FHIT: variants seen among roughly 807,000 people sequenced by gnomAD.
FHIT encodes the protein fragile histidine triad diadenosine triphosphatase.
Under a neutral mutation model 17.9 loss-of-function variants are expected in FHIT, and 19 were observed. That is an observed-to-expected ratio of 1.06 (90% CI 0.74 to 1.56). The LOEUF is 1.56. Ranked by LOEUF, FHIT falls within the 40% of genes most tolerant of loss-of-function variation. FHIT has a pLI of 0.00. For synonymous variants in FHIT, 81 were observed against 69.7 expected (o/e 1.16, Z -0.81); for missense variants, 248 against 189.2 (o/e 1.31, Z -1.82).
At chr3:60,614,809 G>GT (rs147892145) in intron 4 of FHIT, among the ~76,000 whole-genome samples, 41,715 of 78,338 alleles carry the variant, frequency 0.53, 10,821 homozygotes, top group Non-Finnish European at 0.6. Context: ...TGCAAAAGTT[G>GT]TTTTTTTTTT....
At chr3:60,439,972 T>C (rs2030647258) in intron 5 of FHIT, among the ~76,000 whole-genome samples, 1 of 152,084 alleles carries the variant, frequency 6.6e-6, no homozygotes, top group African/African-American at 2.4e-5. Flanking sequence ...TTTCTCACCA[T>C]TTACTGAGGT....
chr3:60,916,618 C>T (rs1307445755), intron 3 of FHIT, among the ~76,000 whole-genome samples: 1 of 152,184 alleles, frequency 6.6e-6, no homozygotes, highest in Non-Finnish European at 1.5e-5. Context: ...ATTTGCAGAC[C>T]TTCTCAGAAG....
Position 60,921,805 on chromosome 3 carries a change from C to A in FHIT, c.-110-99794G>T, listed in dbSNP as rs918089567. Among the ~76,000 whole-genome samples the A allele has an allele frequency of 3.3e-5, 5 of 152,314 alleles. No individual in the cohort carries two copies. In the East Asian group the frequency reaches 7.7e-4, roughly 23 times the overall value. On this transcript the variant is annotated intron_variant, in intron 3 of 9. Coordinates refer to ENST00000492590, the MANE Select transcript of FHIT (RefSeq NM_002012.4). ...ACCCAACAAGCCAGCCAAGGTCCAT[C>A]TGGGGCAGCTTAGGGAAGGGGCAAG...
At chr3:60,983,794 C>T (rs1403648549) in intron 3 of FHIT, among the ~76,000 whole-genome samples, 1 of 152,174 alleles carries the variant, frequency 6.6e-6, no homozygotes, top group Non-Finnish European at 1.5e-5. Flanking sequence ...GAAGCTTGCA[C>T]TCATGGCAGA....
chr3:60,896,931 G>A (rs1553762095), intron 3 of FHIT, among the ~76,000 whole-genome samples: 1 of 152,120 alleles, frequency 6.6e-6, no homozygotes, highest in Non-Finnish European at 1.5e-5. Context: ...TTCCCACCCT[G>A]TAGATGACCA....
At chr3:60,690,470 C>A (rs2040960992) in intron 4 of FHIT, 5 of 572,182 alleles carry the variant, frequency 8.7e-6, no homozygotes, top group South Asian at 6.9e-5. Context: ...TTCTCGTCAT[C>A]AAATTTCTCC....
chr3:60,588,813 C>G (rs9865739), intron 4 of FHIT, among the ~76,000 whole-genome samples: 1 of 151,862 alleles, frequency 6.6e-6, no homozygotes, highest in Non-Finnish European at 1.5e-5. Context: ...TCATGCCTGT[C>G]CTGGTGATTG....
chr3:60,842,043 G>T (rs989132030), intron 3 of FHIT, among the ~76,000 whole-genome samples: 1 of 151,848 alleles, frequency 6.6e-6, no homozygotes, highest in Non-Finnish European at 1.5e-5. Flanking sequence ...CTCCAAGGAC[G>T]CTCCGAGGGC....
intron 7 of FHIT, among the ~76,000 whole-genome samples, chr3:59,964,275 A>C (rs1397041984): frequency 2.6e-5 from 4 of 152,164 alleles, no homozygotes; most frequent in African/African-American, 9.7e-5. Flanking sequence ...GGAACATTTG[A>C]AATTAGCTTG....
chr3:59,950,869 T>C (rs1262340024), intron 7 of FHIT, among the ~76,000 whole-genome samples: 1 of 152,170 alleles, frequency 6.6e-6, no homozygotes, highest in Non-Finnish European at 1.5e-5. Flanking sequence ...AGCCCATAAA[T>C]GAGACAATTT....
Position 61,162,769 on chromosome 3 carries a change from T to G in FHIT, c.-164+37848A>C, listed in dbSNP as rs147617565. Reference sequence around the variant, plus strand: ...AATTCTTGCCTATAGGCAAGCAAATTGTGTTCTGTTCTCTGGAGGTTCAAT... The same window carrying G: ...AATTCTTGCCTATAGGCAAGCAAATGGTGTTCTGTTCTCTGGAGGTTCAAT... On this transcript the variant is annotated intron_variant, in intron 2 of 9. Coordinates refer to ENST00000492590, the MANE Select transcript of FHIT (RefSeq NM_002012.4). 3.2e-3 allele frequency among the ~76,000 whole-genome samples: 485 copies of G among 152,302 alleles called. 2 individuals carry two copies. The highest frequency in any genetic ancestry group is 5.9e-3 in the Non-Finnish European group (401 of 68,034).
At chr3:61,098,493 A>G (rs1031852051) in intron 2 of FHIT, among the ~76,000 whole-genome samples, 2 of 152,158 alleles carry the variant, frequency 1.3e-5, no homozygotes, top group African/African-American at 2.4e-5. Flanking sequence ...AAGAATCTCA[A>G]TGGTAGATTA....
chr3:60,291,492 T>A (rs1707981548), intron 5 of FHIT, among the ~76,000 whole-genome samples: 1 of 151,912 alleles, frequency 6.6e-6, no homozygotes, highest in South Asian at 2.1e-4. Context: ...ATGTCGGACA[T>A]GCCTGGGCCC....
At chr3:60,492,004 C>A (rs1414802725) in intron 5 of FHIT, among the ~76,000 whole-genome samples, 1 of 152,172 alleles carries the variant, frequency 6.6e-6, no homozygotes, top group Non-Finnish European at 1.5e-5. Flanking sequence ...GTGAAACAAT[C>A]TCGCTCAGAG....
chr3:60,010,878 A>G (rs868713434), intron 7 of FHIT, among the ~76,000 whole-genome samples: 2 of 151,802 alleles, frequency 1.3e-5, no homozygotes, highest in South Asian at 2.1e-4. Flanking sequence ...GGGGGTGACG[A>G]GAAGGAGAAC....
intron 7 of FHIT, among the ~76,000 whole-genome samples, chr3:59,992,971 G>T (rs929567739): frequency 1.3e-5 from 2 of 151,970 alleles, no homozygotes; most frequent in Non-Finnish European, 2.9e-5. Flanking sequence ...TATTCTACCC[G>T]TAAGAAGTCC....
intron 3 of FHIT, among the ~76,000 whole-genome samples, chr3:61,036,911 TTTG>T (rs1277180682): frequency 8.9e-6 from 1 of 112,304 alleles, no homozygotes; most frequent in Non-Finnish European, 1.9e-5. Context: ...GTTTTTTTTT[TTTG>T]TTTGTTTGTT....
At chr3:60,223,979 T>C (rs981728675) in intron 5 of FHIT, among the ~76,000 whole-genome samples, 1 of 152,184 alleles carries the variant, frequency 6.6e-6, no homozygotes, top group Non-Finnish European at 1.5e-5. Flanking sequence ...TTAAAGCAAC[T>C]GAACTCTAGT....
chr3:60,774,177 T>C (rs187377833), intron 4 of FHIT, among the ~76,000 whole-genome samples: 14 of 152,328 alleles, frequency 9.2e-5, no homozygotes, highest in South Asian at 6.2e-4. Context: ...GTAGATATAG[T>C]AGTTCCCTCT....
Sources: allele counts gnomAD v4.1 joint callset (sites outside exome capture counted in the v4.1 genomes callset), GRCh38; gene constraint gnomAD v4.1.1; transcripts MANE v1.5; gene names NCBI Gene and HGNC (gene_info 2026-07-23, HGNC 2026-07-21).